The following NFIB variants were observed in gnomAD, a reference collection of about 807,000 sequenced individuals.
NFIB encodes the protein nuclear factor 1 B-type.
In NFIB, 11 loss-of-function variants were observed where a neutral mutation model predicts 61.5. That is an observed-to-expected ratio of 0.18 (90% CI 0.11 to 0.30). The LOEUF (loss-of-function observed/expected upper bound fraction) is 0.30, where lower values mean the gene tolerates loss of function less well. NFIB is among the 10% of genes least tolerant of loss of function. The pLI is 1.00. For synonymous variants in NFIB, 260 were observed against 216.5 expected (o/e 1.20, Z -1.76); for missense variants, 471 against 608.9 (o/e 0.77, Z 2.38).
At chr9:14,334,806 C>G (rs1000700167) in intron 1 of NFIB, among the ~76,000 whole-genome samples, 1 of 152,136 alleles carries the variant, frequency 6.6e-6, no homozygotes, top group African/African-American at 2.4e-5. Context: ...TTTCTATTAC[C>G]TCTAAAAATG....
chr9:14,422,373 G>A, the NFIB span, among the ~76,000 whole-genome samples: 2 of 152,182 alleles, frequency 1.3e-5, no homozygotes, highest in Non-Finnish European at 2.9e-5. Flanking sequence ...TGTCCCTGGA[G>A]TCCATGTTTG....
intron 10 of NFIB, among the ~76,000 whole-genome samples, chr9:14,105,626 G>A (rs1429978672): frequency 1.3e-5 from 2 of 152,046 alleles, no homozygotes; most frequent in Non-Finnish European, 2.9e-5. Flanking sequence ...GGTGGGGGAT[G>A]CAATTAAATC....
At chr9:14,496,865 T>A in the NFIB span, among the ~76,000 whole-genome samples, 1 of 152,250 alleles carries the variant, frequency 6.6e-6, no homozygotes, top group Non-Finnish European at 1.5e-5. Context: ...TTTCTGTGAA[T>A]ATGAAATGGT....
chr9:14,335,161 G>C (rs1291088003), intron 1 of NFIB, among the ~76,000 whole-genome samples: 1 of 152,280 alleles, frequency 6.6e-6, no homozygotes, highest in Non-Finnish European at 1.5e-5. Flanking sequence ...TCTTTGTATG[G>C]ACATGTACTT....
At chr9:14,121,803 G>A (rs2038976919) in intron 7 of NFIB, among the ~76,000 whole-genome samples, 2 of 151,996 alleles carry the variant, frequency 1.3e-5, no homozygotes, top group African/African-American at 2.4e-5. Context: ...TAAAACACAT[G>A]CAATGTGGAC....
Position 14,083,543 on chromosome 9 carries a change from C to A in NFIB, c.*4766G>T. On this transcript the variant is annotated 3_prime_UTR_variant, in exon 11 of 11. Transcript: ENST00000380953. ...AATTTCTTAAAGTCCAGAAAGCATG[C>A]AGCTGGTTAATGTTAACAAAAGACC... The A allele has an allele frequency of 4.6e-6, 1 of 218,724 alleles. No homozygotes were observed. The highest frequency in any genetic ancestry group is 9.1e-6 in the Non-Finnish European group (1 of 110,422). 13.5% of individuals were successfully genotyped at this position (218,724 alleles called of 1,614,324 possible).
At chr9:14,259,288 GGAA>G (rs1262962178) in intron 2 of NFIB, among the ~76,000 whole-genome samples, 4 of 152,158 alleles carry the variant, frequency 2.6e-5, no homozygotes, top group African/African-American at 4.8e-5. Flanking sequence ...GATGGTTCTT[GGAA>G]GAATACAGAT....
chr9:14,466,566 C>T, the NFIB span, among the ~76,000 whole-genome samples: 2 of 152,110 alleles, frequency 1.3e-5, no homozygotes, highest in African/African-American at 2.4e-5. Context: ...TGAAAACAGT[C>T]GGAAGCTAGG....
chr9:14,150,396 T>C lies in NFIB; in HGVS notation c.686-131A>G, dbSNP rs569926739. The C allele has an allele frequency of 2.1e-6, 3 of 1,435,718 alleles. No homozygotes were observed. The Admixed American group carries it at 6.4e-5, about 31-fold the overall frequency. 88.9% of individuals were successfully genotyped at this position (1,435,718 alleles called of 1,614,324 possible). A position where few individuals can be genotyped will look rare whatever the true frequency, so the allele number is the denominator to read the frequency against. On this transcript the variant is annotated intron_variant, in intron 4 of 10. Transcript: ENST00000380953. ...AACTTTCTTCACCTTAAGCCTCTAA[T>C]ACCCACCATACAACCTGGGTAGGAC...
At chr9:14,498,060 T>C in the NFIB span, among the ~76,000 whole-genome samples, 1 of 152,226 alleles carries the variant, frequency 6.6e-6, no homozygotes. Flanking sequence ...TTTATGTCAC[T>C]TGCAACTAAA....
rs73648456 is a variant in NFIB at position 14,084,979 on chromosome 9, G to A, written c.*3330C>T. On this transcript the variant is annotated 3_prime_UTR_variant, in exon 11 of 11. Coordinates refer to ENST00000380953, the MANE Select transcript of NFIB (RefSeq NM_001190737.2). Reference sequence around the variant, plus strand: ...ACTGCTCACTGGCAAAAAAGAGAGCGAGTCTGCCTTTAAAAAATACTGTGT... The same window carrying A: ...ACTGCTCACTGGCAAAAAAGAGAGCAAGTCTGCCTTTAAAAAATACTGTGT... 19 of 229,826 alleles carry A rather than the reference G, an allele frequency of 8.3e-5. 1 individual carries two copies. Among genetic ancestry groups the A allele is most frequent in the African/African-American group, 2.7e-4 (12 of 45,246 alleles). 14.2% of individuals were successfully genotyped at this position (229,826 alleles called of 1,614,324 possible). A position where few individuals can be genotyped will look rare whatever the true frequency, so the allele number is the denominator to read the frequency against.
chr9:14,186,211 G>C (rs2047318902), intron 2 of NFIB, among the ~76,000 whole-genome samples: 1 of 152,040 alleles, frequency 6.6e-6, no homozygotes, highest in Non-Finnish European at 1.5e-5. Flanking sequence ...TTATATCAAG[G>C]GATATCAGAG....
rs576971325 is a variant in NFIB, at chr9:14,107,540, G to A, written c.1467+5459C>T. 3.9e-5 allele frequency among the ~76,000 whole-genome samples: 6 copies of A among 152,142 alleles called. No individual in the cohort carries two copies. In the South Asian group the frequency reaches 1.2e-3, roughly 32 times the overall value. Reference sequence around the variant, plus strand: ...AATGAAAGATTTTGTTTTTAAATTAGAGGCTACTACAACTTGTAAATTTTA... The same window carrying A: ...AATGAAAGATTTTGTTTTTAAATTAAAGGCTACTACAACTTGTAAATTTTA... On this transcript the variant is annotated intron_variant, in intron 10 of 10. Transcript: ENST00000380953.
In NFIB at chr9:14,087,736, T is replaced by C. The variant is rs951983627; in HGVS notation, c.*573A>G. On this transcript the variant is annotated 3_prime_UTR_variant, in exon 11 of 11. Transcript: ENST00000380953. ...TAACTTTTAGAAATCAGAGTGCTTA[T>C]AAAATGGCTGGCTCATGGCTCTGTC... 9.1e-6 allele frequency: 2 copies of C among 219,318 alleles called. No homozygotes were observed. The highest frequency in any genetic ancestry group is 9.2e-6 in the Non-Finnish European group (1 of 108,892). The allele number at this position is 219,318 out of a possible 1,614,324, so 13.6% of individuals were successfully genotyped here. A position where few individuals can be genotyped will look rare whatever the true frequency, so the allele number is the denominator to read the frequency against.
intron 5 of NFIB, among the ~76,000 whole-genome samples, chr9:14,149,187 T>C (rs901366406): frequency 2.0e-5 from 3 of 152,162 alleles, no homozygotes; most frequent in African/African-American, 2.4e-5. Flanking sequence ...AATTTAACTA[T>C]ATGAAAATGG....
At chr9:14,227,136 C>T (rs1302130364) in intron 2 of NFIB, among the ~76,000 whole-genome samples, 15 of 130,658 alleles carry the variant, frequency 1.1e-4, no homozygotes, top group African/African-American at 6.1e-5. Context: ...AGCAAAACTC[C>T]GTGTCAAAAA....
chr9:14,221,075 T>C (rs1239337434), intron 2 of NFIB, among the ~76,000 whole-genome samples: 1 of 152,146 alleles, frequency 6.6e-6, no homozygotes, highest in Admixed American at 6.5e-5. Context: ...AATGTTGACA[T>C]ACCAGGAGTC....
intron 2 of NFIB, 83 bp downstream of exon 2, chr9:14,306,906 A>G: frequency 1.3e-6 from 2 of 1,544,366 alleles, no homozygotes; most frequent in Non-Finnish European, 1.8e-6. Flanking sequence ...CTTGAGGACC[A>G]TCTAACTCAA....
chr9:14,183,017 T>C (rs925700144), intron 2 of NFIB, among the ~76,000 whole-genome samples: 2 of 152,044 alleles, frequency 1.3e-5, no homozygotes, highest in South Asian at 2.1e-4. Flanking sequence ...TATTTAATGG[T>C]TTAAACATAT....
Sources: gnomAD v4.1 joint callset for allele counts (sites outside exome capture counted in the v4.1 genomes callset) on GRCh38, gnomAD v4.1.1 for gene constraint, MANE v1.5 for transcripts, NCBI Gene and HGNC (gene_info 2026-07-23, HGNC 2026-07-21) for gene names.